The following UBE2V2 variants were observed in gnomAD, a reference collection of about 807,000 sequenced individuals.
UBE2V2 encodes ubiquitin conjugating enzyme E2 V2.
Under a neutral mutation model 17.2 loss-of-function variants are expected in UBE2V2, and 9 were observed. The observed-to-expected ratio is 0.52, with a 90% CI of 0.32 to 0.91. The LOEUF (loss-of-function observed/expected upper bound fraction) is 0.91. Among genes scored for constraint, UBE2V2 ranks in the 40% least tolerant of loss-of-function variants. The pLI, the probability that UBE2V2 is intolerant of heterozygous loss-of-function variation, is 0.04. For missense variants in UBE2V2, 133 were observed against 182.6 expected, an observed-to-expected ratio of 0.73 and a Z score of 1.56; for synonymous variants, 61 against 57.5, an observed-to-expected ratio of 1.06 and a Z score of -0.28.
chr8:48,025,021 G>A (rs1050009698), intron 1 of UBE2V2, among the ~76,000 whole-genome samples: 2 of 150,588 alleles, frequency 1.3e-5, no homozygotes, highest in Non-Finnish European at 2.9e-5. Context: ...TGCAACCTCC[G>A]CTTCCTGGGT....
intron 2 of UBE2V2, among the ~76,000 whole-genome samples, chr8:48,044,090 TATG>T (rs1314163672): frequency 6.6e-6 from 1 of 152,140 alleles, no homozygotes; most frequent in East Asian, 1.9e-4. Context: ...GTTGCTACCT[TATG>T]ATGAGAGCAT....
At chr8:48,036,738 A>G (rs1242000251) in intron 1 of UBE2V2, among the ~76,000 whole-genome samples, 2 of 151,736 alleles carry the variant, frequency 1.3e-5, no homozygotes, top group South Asian at 2.1e-4. Flanking sequence ...TGGCCGACTC[A>G]AAAATATTTT....
chr8:48,014,692 T>TA (rs1330016294), intron 1 of UBE2V2, among the ~76,000 whole-genome samples: 1 of 149,398 alleles, frequency 6.7e-6, no homozygotes, highest in East Asian at 2.0e-4. Context: ...CCAGTAAAAT[T>TA]AATATTTAGT....
intron 1 of UBE2V2, among the ~76,000 whole-genome samples, chr8:48,033,846 A>G (rs2091401517): frequency 6.6e-6 from 1 of 152,106 alleles, no homozygotes; most frequent in Admixed American, 6.6e-5. Context: ...AGTCCCAGCA[A>G]CTTGGGAGGC....
intron 1 of UBE2V2, among the ~76,000 whole-genome samples, chr8:48,024,408 C>G (rs2091325486): frequency 6.6e-6 from 1 of 151,976 alleles, no homozygotes; most frequent in Admixed American, 6.6e-5. Flanking sequence ...CCAGCCTGAC[C>G]AACATGGAGA....
intron 3 of UBE2V2, 124 bp downstream of exon 3, chr8:48,050,102 A>AT (rs2091526071): frequency 3.4e-5 from 24 of 701,502 alleles, no homozygotes; most frequent in Non-Finnish European, 4.9e-5. Context: ...TTAAAAGAGG[A>AT]CCTTTGTTAA....
chr8:48,055,348 C>T (rs774250967), intron 3 of UBE2V2, among the ~76,000 whole-genome samples: 2 of 151,562 alleles, frequency 1.3e-5, no homozygotes, highest in Non-Finnish European at 1.5e-5. Flanking sequence ...TACAGGCGCC[C>T]GCCAACATGA....
intron 3 of UBE2V2, among the ~76,000 whole-genome samples, chr8:48,054,652 C>G (rs956425593): frequency 6.6e-6 from 1 of 152,140 alleles, no homozygotes; most frequent in Non-Finnish European, 1.5e-5. Context: ...GTTTAAGTGT[C>G]TCATGAATTG....
chr8:48,041,668 C>CA (rs1450186772), intron 1 of UBE2V2: 2 of 151,120 alleles, frequency 1.3e-5, no homozygotes, highest in African/African-American at 4.9e-5. Flanking sequence ...TACACGAAAG[C>CA]AAAAAAAGGT....
At chr8:48,029,040 G>A (rs1442420745) in intron 1 of UBE2V2, among the ~76,000 whole-genome samples, 1 of 151,992 alleles carries the variant, frequency 6.6e-6, no homozygotes, top group Non-Finnish European at 1.5e-5. Context: ...TCATCATCTA[G>A]CTGGTACTTT....
chr8:48,014,489 CA>C (rs1383263194), intron 1 of UBE2V2, among the ~76,000 whole-genome samples: 1 of 151,020 alleles, frequency 6.6e-6, no homozygotes, highest in Non-Finnish European at 1.5e-5. Context: ...ACTAAAAATA[CA>C]AAAAATTAGC....
the UBE2V2 span, among the ~76,000 whole-genome samples, chr8:47,997,844 G>A: frequency 4.6e-5 from 7 of 151,868 alleles, no homozygotes; most frequent in African/African-American, 1.7e-4. Context: ...CGGTGGGGGG[G>A]TCATGCTGTT....
Position 48,050,797 on chromosome 8 carries a change from G to T in UBE2V2, c.291+819G>T, listed in dbSNP as rs191103870. Among the ~76,000 whole-genome samples, 10 of 152,214 alleles carry T rather than the reference G, an allele frequency of 6.6e-5. No homozygotes were observed. In the East Asian group the frequency reaches 1.9e-3, roughly 29 times the overall value. On this transcript the variant is annotated intron_variant, in intron 3 of 3. Transcript: ENST00000523111. The stretch of plus-strand genomic sequence containing the variant: ...AAGGATGACTGTTCATGAAAAGGAT[G>T]AATATTCATGAAGGGTTTTTTTCTT...
intron 2 of UBE2V2, among the ~76,000 whole-genome samples, chr8:48,046,480 C>G (rs982885696): frequency 6.6e-6 from 1 of 152,130 alleles, no homozygotes; most frequent in Non-Finnish European, 1.5e-5. Context: ...CTCAGACTCC[C>G]GACCTCAGAT....
intron 1 of UBE2V2, among the ~76,000 whole-genome samples, chr8:48,039,814 T>A (rs1458802085): frequency 6.6e-6 from 1 of 151,904 alleles, no homozygotes; most frequent in East Asian, 1.9e-4. Context: ...ATCACTGCAG[T>A]CTTGACCTCC....
At chr8:48,042,943 A>G (rs988337994) in intron 1 of UBE2V2, 90 bp from the exon 2 acceptor site, 18 of 1,267,224 alleles carry the variant, frequency 1.4e-5, no homozygotes, top group African/African-American at 3.0e-5. Flanking sequence ...AATAATTTAT[A>G]AAGGTTAATT....
At chr8:48,023,239 CAG>C (rs752974746) in intron 1 of UBE2V2, among the ~76,000 whole-genome samples, 134 of 149,342 alleles carry the variant, frequency 9.0e-4, no homozygotes, top group African/African-American at 3.2e-3. Flanking sequence ...TTTTTTGAGA[CAG>C]AGTATTGCTC....
intron 1 of UBE2V2, among the ~76,000 whole-genome samples, chr8:48,022,588 C>T (rs987671364): frequency 1.1e-4 from 17 of 152,158 alleles, no homozygotes; most frequent in African/African-American, 4.1e-4. Flanking sequence ...TTACTTTTCC[C>T]AGTGAGTTTT....
chr8:48,051,881 C>A (rs1430683383), intron 3 of UBE2V2, among the ~76,000 whole-genome samples: 1 of 151,918 alleles, frequency 6.6e-6, no homozygotes, highest in African/African-American at 2.4e-5. Context: ...GCCATTAACA[C>A]CCCCCCACCC....
Sources: allele counts gnomAD v4.1 joint callset (sites outside exome capture counted in the v4.1 genomes callset), GRCh38; gene constraint gnomAD v4.1.1; transcripts MANE v1.5; gene names NCBI Gene and HGNC (gene_info 2026-07-23, HGNC 2026-07-21).